OTOGL: variants seen among roughly 807,000 people sequenced by gnomAD.
OTOGL encodes the protein otogelin-like protein.
Under a neutral mutation model 318.5 loss-of-function variants are expected in OTOGL, and 285 were observed. That is an observed-to-expected ratio of 0.89 (90% CI 0.81 to 0.99). OTOGL has a LOEUF of 0.99. Among genes scored for constraint, OTOGL ranks in the 50% least tolerant of loss-of-function variants. The probability of loss-of-function intolerance (pLI) is 0.00; values close to 1 mark genes in which losing one functional copy is unlikely to be tolerated. For synonymous variants in OTOGL, 987 were observed against 936.5 expected (o/e 1.05, Z -0.99); for missense variants, 2,899 against 2,845.6 (o/e 1.02, Z -0.43).
chr12:80,196,964 T>C (rs1876115748), intron 1 of OTOGL, among the ~76,000 whole-genome samples: 1 of 152,160 alleles, frequency 6.6e-6, no homozygotes, highest in South Asian at 2.1e-4. Flanking sequence ...GTACTTAACA[T>C]CAATACACAC....
intron 35 of OTOGL, among the ~76,000 whole-genome samples, chr12:80,325,542 G>C (rs1887627427): frequency 6.6e-6 from 1 of 152,180 alleles, no homozygotes; most frequent in Non-Finnish European, 1.5e-5. Context: ...GCCAGGGTTT[G>C]GACTGCTACA....
At chr12:80,372,362 TGGC>T (rs1342721747) in intron 57 of OTOGL, among the ~76,000 whole-genome samples, 3 of 152,046 alleles carry the variant, frequency 2.0e-5, no homozygotes, top group African/African-American at 7.2e-5. Context: ...TTTTTTATTG[TGGC>T]ATATTACAAA....
intron 1 of OTOGL, among the ~76,000 whole-genome samples, chr12:80,195,725 A>G (rs1329076439): frequency 6.6e-6 from 1 of 152,200 alleles, no homozygotes; most frequent in Admixed American, 6.5e-5. Flanking sequence ...TGCTGGAGCC[A>G]GCTCCTGGTG....
At chr12:80,366,371 T>C in intron 52 of OTOGL, 1 of 465,508 alleles carries the variant, frequency 2.1e-6, no homozygotes, top group Non-Finnish European at 4.3e-6. Flanking sequence ...AATGTTGTCT[T>C]TGATTGCCCT....
rs1240366801 is a variant in OTOGL at position 80,256,262 on chromosome 12, T to C, written c.1588-75T>C. 6 of 1,464,608 alleles carry C rather than the reference T, an allele frequency of 4.1e-6. No homozygotes were observed. In the East Asian group the frequency reaches 1.1e-4, roughly 28 times the overall value. The allele number at this position is 1,464,608 out of a possible 1,614,324, so 90.7% of individuals were successfully genotyped here. On this transcript the variant is annotated intron_variant, in intron 16 of 58. Coordinates refer to ENST00000547103, the MANE Select transcript of OTOGL (RefSeq NM_001378609.3). ...TTTCTCCCCTTCTCCCTTTCTCCCA[T>C]CTCCACCTTCCTGTCTCTTTCTATG...
intron 4 of OTOGL, among the ~76,000 whole-genome samples, chr12:80,214,606 G>A (rs1303109277): frequency 1.3e-5 from 2 of 152,122 alleles, no homozygotes; most frequent in African/African-American, 2.4e-5. Flanking sequence ...TGCTGCAGTC[G>A]TGGCTCTAAA....
intron 8 of OTOGL, among the ~76,000 whole-genome samples, chr12:80,231,285 GAA>G (rs1463218825): frequency 6.6e-6 from 1 of 152,070 alleles, no homozygotes; most frequent in East Asian, 1.9e-4. Flanking sequence ...TTTTTAATAA[GAA>G]TGCATTATGG....
intron 4 of OTOGL, among the ~76,000 whole-genome samples, chr12:80,216,894 A>T (rs1405560508): frequency 6.6e-6 from 1 of 152,204 alleles, no homozygotes. Context: ...ACATGTATAC[A>T]TATGTAACAA....
chr12:80,188,354 A>G (rs1388878681), intron 1 of OTOGL, among the ~76,000 whole-genome samples: 3 of 151,980 alleles, frequency 2.0e-5, no homozygotes, highest in Non-Finnish European at 4.4e-5. Flanking sequence ...CCTGACCAAC[A>G]TGGTGAAACC....
At position 80,370,707 on chromosome 12, in the gene OTOGL, T is replaced by C; in HGVS notation, c.6735+18T>C. On this transcript the variant is annotated intron_variant, in intron 56 of 58. Transcript: ENST00000547103. ...GCAAAATGGTTTGTACTTTGTTGTATCTAAGAAAATTTATTATTATATAAT... is the reference window on the plus strand; with the variant it reads ...GCAAAATGGTTTGTACTTTGTTGTACCTAAGAAAATTTATTATTATATAAT... 1 of 1,490,950 alleles carries C rather than the reference T, an allele frequency of 6.7e-7. No individual in the cohort carries two copies. The highest frequency in any genetic ancestry group is 9.0e-7 in the Non-Finnish European group (1 of 1,105,666). The allele number at this position is 1,490,950 out of a possible 1,614,324, so 92.4% of individuals were successfully genotyped here. A position where few individuals can be genotyped will look rare whatever the true frequency, so the allele number is the denominator to read the frequency against.
At chr12:80,273,155 C>G (rs543595340) in intron 24 of OTOGL, among the ~76,000 whole-genome samples, 12 of 152,176 alleles carry the variant, frequency 7.9e-5, no homozygotes, top group Non-Finnish European at 1.5e-4. Flanking sequence ...GAGATTTCCT[C>G]CTACCTTCTC....
chr12:80,240,621 T>TGTG (rs113724737), intron 11 of OTOGL, among the ~76,000 whole-genome samples: 7,039 of 152,130 alleles, frequency 0.046, 553 homozygotes, highest in African/African-American at 0.16. Context: ...ATATGAGACA[T>TGTG]GTGACAAAGT....
intron 52 of OTOGL, among the ~76,000 whole-genome samples, chr12:80,365,137 C>G (rs1890449786): frequency 6.6e-6 from 1 of 152,020 alleles, no homozygotes; most frequent in Non-Finnish European, 1.5e-5. Context: ...TATAACACAA[C>G]AATTTCACTC....
At chr12:80,182,850 A>G (rs1012521981) in intron 1 of OTOGL, among the ~76,000 whole-genome samples, 2 of 152,252 alleles carry the variant, frequency 1.3e-5, no homozygotes, top group Non-Finnish European at 1.5e-5. Context: ...GAAAACCACA[A>G]TAAAGTTTGC....
intron 1 of OTOGL, among the ~76,000 whole-genome samples, chr12:80,108,872 G>A (rs868182439): frequency 8.1e-5 from 11 of 135,170 alleles, no homozygotes; most frequent in African/African-American, 2.3e-4. Context: ...ATATATATGT[G>A]TATATATGTG....
intron 18 of OTOGL, among the ~76,000 whole-genome samples, 162 bp downstream of exon 18, chr12:80,258,164 T>C (rs1263634259): frequency 6.6e-6 from 1 of 152,138 alleles, no homozygotes; most frequent in African/African-American, 2.4e-5. Flanking sequence ...CTCTGATAAA[T>C]ATGTTTATTT....
chr12:80,355,243 T>C (rs1889812334), intron 46 of OTOGL, among the ~76,000 whole-genome samples: 1 of 146,452 alleles, frequency 6.8e-6, no homozygotes, highest in Non-Finnish European at 1.5e-5. Context: ...TTTTTTTTTT[T>C]TTTTTGAGAC....
chr12:80,346,031 C>A (rs1889176378), intron 44 of OTOGL, among the ~76,000 whole-genome samples: 1 of 152,184 alleles, frequency 6.6e-6, no homozygotes, highest in Admixed American at 6.5e-5. Context: ...TCATGCTGAA[C>A]TCGATATTTG....
intron 57 of OTOGL, 83 bp downstream of exon 57, chr12:80,372,147 C>T (rs1289768613): frequency 2.9e-5 from 28 of 977,972 alleles, no homozygotes; most frequent in Non-Finnish European, 5.7e-6. Context: ...TCACAAAATT[C>T]AATTCCTATG....
Sources: allele counts gnomAD v4.1 joint callset (sites outside exome capture counted in the v4.1 genomes callset), GRCh38; gene constraint gnomAD v4.1.1; transcripts MANE v1.5; gene names NCBI Gene and HGNC (gene_info 2026-07-23, HGNC 2026-07-21).